CCR5AS: variants seen among roughly 807,000 people sequenced by gnomAD.
The protein encoded by CCR5AS is CCR5 antisense RNA.
At chr3:46,381,585 A>G (rs537539243) in intron 2 of CCR5AS, among the ~76,000 whole-genome samples, 141 of 152,380 alleles carry the variant, frequency 9.3e-4, no homozygotes, top group South Asian at 2.9e-3. Flanking sequence ...ATAAAATGTA[A>G]TTAAGATTAA....
At chr3:46,370,946 A>T (rs767348026) in intron 3 of CCR5AS, 1 of 152,190 alleles carries the variant, frequency 6.6e-6, no homozygotes, top group South Asian at 2.1e-4. Context: ...TCATCTGGCC[A>T]GAAGAGCTGA....
chr3:46,366,985 T>A (rs554827100), intron 3 of CCR5AS, among the ~76,000 whole-genome samples: 1 of 152,080 alleles, frequency 6.6e-6, no homozygotes, highest in South Asian at 2.1e-4. Flanking sequence ...CCCGACTGTC[T>A]ACTGAACAAC....
intron 1 of CCR5AS, among the ~76,000 whole-genome samples, chr3:46,394,792 C>T (rs1701946031): frequency 6.6e-6 from 1 of 152,100 alleles, no homozygotes; most frequent in Non-Finnish European, 1.5e-5. Flanking sequence ...TGGTAAGTGG[C>T]ATCTTGAGAG....
chr3:46,404,278 C>T (rs1252283051), intron 1 of CCR5AS, among the ~76,000 whole-genome samples: 1 of 148,060 alleles, frequency 6.8e-6, no homozygotes, highest in East Asian at 2.0e-4. Flanking sequence ...GCTTTAGTGC[C>T]CATCTTCTCA....
intron 2 of CCR5AS, among the ~76,000 whole-genome samples, chr3:46,391,142 G>A (rs545321304): frequency 6.6e-6 from 1 of 152,298 alleles, no homozygotes; most frequent in South Asian, 2.1e-4. Context: ...TTCCAGTGGG[G>A]TCTCGCACAG....
chr3:46,377,579 G>A (rs1050253572), intron 2 of CCR5AS, among the ~76,000 whole-genome samples: 10 of 152,100 alleles, frequency 6.6e-5, no homozygotes, highest in African/African-American at 1.9e-4. Context: ...TCTATCACGG[G>A]GAGAGATAGA....
intron 3 of CCR5AS, among the ~76,000 whole-genome samples, chr3:46,367,209 T>C (rs185327560): frequency 6.6e-6 from 1 of 152,242 alleles, no homozygotes; most frequent in East Asian, 1.9e-4. Context: ...TTCCTTATCA[T>C]CTTGATCCGG....
chr3:46,387,446 G>A (rs1701873918), intron 2 of CCR5AS, among the ~76,000 whole-genome samples: 3 of 152,220 alleles, frequency 2.0e-5, no homozygotes, highest in Non-Finnish European at 4.4e-5. Flanking sequence ...GAAGTAACAT[G>A]GACACAAAGT....
chr3:46,381,806 G>A (rs939809371), intron 2 of CCR5AS, among the ~76,000 whole-genome samples: 1 of 152,206 alleles, frequency 6.6e-6, no homozygotes, highest in Non-Finnish European at 1.5e-5. Context: ...GAAGAGGGCA[G>A]GGACTTGAAA....
At chr3:46,381,284 A>G (rs1456555229) in intron 2 of CCR5AS, among the ~76,000 whole-genome samples, 2 of 152,038 alleles carry the variant, frequency 1.3e-5, no homozygotes, top group Non-Finnish European at 2.9e-5. Flanking sequence ...TTCTCCCCCC[A>G]TTTCCTTATC....
At chr3:46,373,466 A>G in intron 2 of CCR5AS, 3 of 1,316,342 alleles carry the variant, frequency 2.3e-6, no homozygotes, top group Non-Finnish European at 3.2e-6. Flanking sequence ...GTCAGTATCA[A>G]TTCTGGAAGA....
intron 2 of CCR5AS, among the ~76,000 whole-genome samples, chr3:46,389,706 C>A (rs575719268): frequency 6.6e-6 from 1 of 152,110 alleles, no homozygotes; most frequent in Admixed American, 6.6e-5. Context: ...GACTTATGGT[C>A]TATGGGATTA....
At chr3:46,385,704 C>A (rs1701854527) in intron 2 of CCR5AS, among the ~76,000 whole-genome samples, 1 of 152,024 alleles carries the variant, frequency 6.6e-6, no homozygotes, top group African/African-American at 2.4e-5. Context: ...CTTGAGTATG[C>A]CTGCACTTCC....
chr3:46,403,707 G>T (rs904139180), intron 1 of CCR5AS, among the ~76,000 whole-genome samples: 1 of 152,226 alleles, frequency 6.6e-6, no homozygotes, highest in African/African-American at 2.4e-5. Flanking sequence ...AGGGGTACCA[G>T]TGAGATTCCC....
At chr3:46,380,309 A>G (rs1701804614) in intron 2 of CCR5AS, among the ~76,000 whole-genome samples, 1 of 152,218 alleles carries the variant, frequency 6.6e-6, no homozygotes, top group South Asian at 2.1e-4. Context: ...AAGGGGAAGT[A>G]AAAGGTGAGA....
chr3:46,375,533 A>G, intron 2 of CCR5AS: 1 of 167,050 alleles, frequency 6.0e-6, no homozygotes. Context: ...AAGTGTAGGT[A>G]TCATTTTCTG....
intron 1 of CCR5AS, among the ~76,000 whole-genome samples, chr3:46,398,698 T>G (rs1226545371): frequency 6.6e-6 from 1 of 152,146 alleles, no homozygotes; most frequent in South Asian, 2.1e-4. Flanking sequence ...TTTAAATTCT[T>G]TTTTCTTGTC....
intron 1 of CCR5AS, among the ~76,000 whole-genome samples, chr3:46,405,888 T>C (rs1284625468): frequency 2.0e-5 from 3 of 151,866 alleles, no homozygotes. Context: ...CTTTTTTTTT[T>C]CCAGAGACAG....
At chr3:46,386,408 C>T (rs1487013481) in intron 2 of CCR5AS, among the ~76,000 whole-genome samples, 1 of 152,104 alleles carries the variant, frequency 6.6e-6, no homozygotes, top group Non-Finnish European at 1.5e-5. Flanking sequence ...CTTGCTTTTT[C>T]AGAAAAAGCC....
Sources: allele counts gnomAD v4.1 joint callset (sites outside exome capture counted in the v4.1 genomes callset), GRCh38; gene constraint gnomAD v4.1.1; transcripts MANE v1.5; gene names NCBI Gene and HGNC (gene_info 2026-07-23, HGNC 2026-07-21).